Variants in TECPR1 observed in about 807,000 individuals in gnomAD.
TECPR1 encodes the protein tectonin beta-propeller repeat-containing protein 1.
TECPR1 carries 122 observed loss-of-function variants against 162.4 expected under a neutral mutation model. The ratio of observed to expected loss-of-function variants is 0.75; its 90% CI spans 0.65 to 0.87. The LOEUF is 0.87. TECPR1 is among the 40% of genes least tolerant of loss of function. The pLI is 0.00. For missense variants in TECPR1, 1,432 were observed against 1,618.2 expected (o/e 0.88, Z 1.97); for synonymous variants, 642 against 670.6 (o/e 0.96, Z 0.66).
At chr7:98,240,999 G>T (rs1161394996) in intron 7 of TECPR1, 48 bp from the exon 8 acceptor site, 1 of 1,585,780 alleles carries the variant, frequency 6.3e-7, no homozygotes, top group East Asian at 2.3e-5. Context: ...AGCCTGGACA[G>T]CTGGGGAGCG....
rs932343391 is a variant in TECPR1, at chr7:98,243,646, C to T, written c.532-54G>A. On this transcript the variant is annotated intron_variant, in intron 5 of 25. Transcript: ENST00000447648. Reference sequence around the variant, plus strand: ...AGTCAGCGCCCAGTGGGCACCTGGGCATGCACCCACCTCCCGCCCGCCTGC... The same window carrying T: ...AGTCAGCGCCCAGTGGGCACCTGGGTATGCACCCACCTCCCGCCCGCCTGC... 3 of 1,576,112 alleles carry T rather than the reference C, an allele frequency of 1.9e-6. No homozygotes were observed. In the South Asian group the frequency reaches 3.4e-5, roughly 18 times the overall value.
intron 7 of TECPR1, 44 bp from the exon 8 acceptor site, chr7:98,240,995 G>C: frequency 6.3e-7 from 1 of 1,587,390 alleles, no homozygotes; most frequent in Non-Finnish European, 8.6e-7. Context: ...CATCAGCCTG[G>C]ACAGCTGGGG....
At chr7:98,247,238 G>A (rs1467297773) in intron 2 of TECPR1, among the ~76,000 whole-genome samples, 1 of 151,974 alleles carries the variant, frequency 6.6e-6, no homozygotes, top group Non-Finnish European at 1.5e-5. Flanking sequence ...GAACTCCTGG[G>A]CTCAAGTGAT....
intron 21 of TECPR1, 164 bp downstream of exon 21, chr7:98,222,826 C>A: frequency 2.0e-6 from 2 of 976,960 alleles, no homozygotes; most frequent in Non-Finnish European, 3.1e-6. Flanking sequence ...CCCCGCCCCA[C>A]CCGCCTCATT....
Position 98,244,965 on chromosome 7 carries a change from C to T in TECPR1, c.328G>A (p.Ala110Thr), listed in dbSNP as rs755694056. The change falls in exon 4 of 26, where the codon GCA becomes ACA. Residue 110 changes from alanine (A) to threonine (T), a missense_variant. Coordinates refer to ENST00000447648, the MANE Select transcript of TECPR1 (RefSeq NM_015395.3). ...GLQHRPLDRV[A>T]LPSPHWEWES... ...CACTCCCAGTGCGGCGAGGGCAGTG[C>T]CACCCTGTCCAGCGGCCGGTGCTGG... is the stretch of plus-strand genomic sequence containing the variant. The T allele has an allele frequency of 2.5e-6, 4 of 1,612,780 alleles. No homozygotes were observed. Among genetic ancestry groups the T allele is most frequent in the Non-Finnish European group, 3.4e-6 (4 of 1,179,816 alleles).
Position 98,242,987 on chromosome 7 carries a change from C to T in TECPR1, c.657+480G>A, listed in dbSNP as rs1798803649. On this transcript the variant is annotated intron_variant, in intron 6 of 25. Coordinates refer to ENST00000447648, the MANE Select transcript of TECPR1 (RefSeq NM_015395.3). Reference sequence around the variant, plus strand: ...ACACATCCACCCACACCCATCCATCCATCCACCCACCCATCCACCCATCCA... The same window carrying T: ...ACACATCCACCCACACCCATCCATCTATCCACCCACCCATCCACCCATCCA... Among the ~76,000 whole-genome samples the T allele has an allele frequency of 4.2e-5, 3 of 71,118 alleles. 1 individual carries two copies. 46.7% of individuals were successfully genotyped at this position (71,118 alleles called of 152,430 possible).
intron 9 of TECPR1, among the ~76,000 whole-genome samples, chr7:98,237,920 ACAC>A (rs1798642131): frequency 6.6e-6 from 1 of 151,492 alleles, no homozygotes; most frequent in Non-Finnish European, 1.5e-5. Flanking sequence ...CTACAGGTGC[ACAC>A]CACCACACTT....
At chr7:98,226,978 A>T (rs1798293348) in intron 17 of TECPR1, among the ~76,000 whole-genome samples, 1 of 152,008 alleles carries the variant, frequency 6.6e-6, no homozygotes, top group African/African-American at 2.4e-5. Context: ...GAGGAAATCA[A>T]TTGCATTTCT....
chr7:98,233,447 A>G lies in TECPR1; in HGVS notation c.1646T>C (p.Met549Thr). ...CGCCTGGACAGTGAACCATCTGGGC[A>G]TGGCACATGCCTCCACCACGCAGCC... Reference protein sequence around the residue: ...GGGCVVEACAMPRWFTVQAGL... With the variant: ...GGGCVVEACATPRWFTVQAGL... The change falls in exon 11 of 26, where the codon ATG (methionine) becomes ACG (threonine). Residue 549 changes from methionine (M) to threonine (T), a missense_variant. Physicochemically the swap from Met to Thr is moderately conservative, Grantham distance 81. Coordinates refer to ENST00000447648, the MANE Select transcript of TECPR1 (RefSeq NM_015395.3). 6.8e-7 allele frequency: 1 copy of G among 1,467,366 alleles called. No homozygotes were observed. Among genetic ancestry groups the G allele is most frequent in the Non-Finnish European group, 9.0e-7 (1 of 1,109,798 alleles). The allele number at this position is 1,467,366 out of a possible 1,614,324, so 90.9% of individuals were successfully genotyped here.
chr7:98,242,270 C>T (rs1798770308), intron 6 of TECPR1, among the ~76,000 whole-genome samples: 1 of 152,178 alleles, frequency 6.6e-6, no homozygotes. Context: ...AACAGAAAGC[C>T]ATGACTCGAG....
At position 98,217,317 on chromosome 7, in the gene TECPR1, C is replaced by A; in HGVS notation, c.*73G>T. 4 of 1,041,820 alleles carry A rather than the reference C, an allele frequency of 3.8e-6. No homozygotes were observed. The highest frequency in any genetic ancestry group is 5.5e-6 in the Non-Finnish European group (4 of 726,774). The allele number at this position is 1,041,820 out of a possible 1,614,324, so 64.5% of individuals were successfully genotyped here. On this transcript the variant is annotated 3_prime_UTR_variant, in exon 26 of 26. Transcript: ENST00000447648. ...CCACATTGCTCCCACGGTGCACACT[C>A]CAGCACAAGAATGGCTCAGCCTTGA...
chr7:98,238,386 G>A, intron 9 of TECPR1, 123 bp downstream of exon 9: 1 of 794,728 alleles, frequency 1.3e-6, no homozygotes, highest in South Asian at 1.6e-5. Context: ...AGAACTTCTT[G>A]CTCAGTACAA....
At chr7:98,246,208 A>G (rs2116631896) in intron 2 of TECPR1, 43 bp from the exon 3 acceptor site, 2 of 1,287,022 alleles carry the variant, frequency 1.6e-6, no homozygotes, top group East Asian at 2.6e-5. Context: ...CTCCCAGCCC[A>G]GGGGACATCA....
At position 98,224,807 on chromosome 7, in the gene TECPR1, A is replaced by T. The variant is rs1039634999; in HGVS notation, c.2684T>A (p.Phe895Tyr). 3.2e-6 allele frequency: 5 copies of T among 1,581,478 alleles called. No individual in the cohort carries two copies. Among genetic ancestry groups the T allele is most frequent in the Non-Finnish European group, 4.3e-6 (5 of 1,164,710 alleles). ...DQEGWQYASD[F>Y]PASYHGSKTM... ...TGTGCAGGGAGAGGCTTACGCAGGGAAGTCGCTGGCATACTGCCACCCCTC... is the reference window on the plus strand; with the variant it reads ...TGTGCAGGGAGAGGCTTACGCAGGGTAGTCGCTGGCATACTGCCACCCCTC... The change falls in exon 19 of 26, where the codon TTC becomes TAC. Residue 895 changes from phenylalanine to tyrosine, a missense_variant. Phe to Tyr is a conservative substitution (Grantham distance 22). Transcript: ENST00000447648.
chr7:98,223,670 G>T lies in TECPR1; in HGVS notation c.2739C>A (p.Cys913Ter). ...KTMKDFVRRR[C>*]WARKCKLVTS... ...CTGCAGCCCTGCCTCACCTGGCCCAGCACCTCCTCCTCACAAAATCCTTCA... is the reference window on the plus strand; with the variant it reads ...CTGCAGCCCTGCCTCACCTGGCCCATCACCTCCTCCTCACAAAATCCTTCA... Residue 913 changes from cysteine to a stop codon, truncating the protein, a stop_gained, in exon 20 of 26, where the codon TGC (cysteine) becomes TGA (stop). Coordinates refer to ENST00000447648, the MANE Select transcript of TECPR1 (RefSeq NM_015395.3). LOFTEE classifies it high-confidence loss of function. The T allele has an allele frequency of 6.2e-7, 1 of 1,613,736 alleles. No homozygotes were observed. The highest frequency in any genetic ancestry group is 8.5e-7 in the Non-Finnish European group (1 of 1,179,804).
Position 98,241,128 on chromosome 7 carries a change from G to A in TECPR1, c.774C>T (p.Ala258=). The A allele has an allele frequency of 6.2e-7, 1 of 1,612,470 alleles. No homozygotes were observed. Among genetic ancestry groups the A allele is most frequent in the Non-Finnish European group, 8.5e-7 (1 of 1,179,620 alleles). The change falls in exon 7 of 26, where the codon GCC becomes GCT. Residue 258 remains alanine, a synonymous_variant. Coordinates refer to ENST00000447648, the MANE Select transcript of TECPR1 (RefSeq NM_015395.3). This position sits in a 1 kb window ranked among gnomAD's most constrained non-coding sequence, Gnocchi z 5.0. The part of the protein sequence containing the change: ...ISCGPHDLLW[A]TLWEGQALVR... Reference sequence around the variant, plus strand: ...CCAGGGCCTGTCCCTCCCAGAGTGTGGCCCACAGGAGGTCGTGGGGCCCAC... The same window carrying A: ...CCAGGGCCTGTCCCTCCCAGAGTGTAGCCCACAGGAGGTCGTGGGGCCCAC...
rs767172301 is a variant in TECPR1 at position 98,241,100 on chromosome 7, G to A, written c.802C>T (p.Arg268Trp). 10 of 1,609,698 alleles carry A rather than the reference G, an allele frequency of 6.2e-6. No individual in the cohort carries two copies. The highest frequency in any genetic ancestry group is 1.7e-4 in the Middle Eastern group (1 of 6,054). ...GGATTGCTCCTGTTGATTCCTTCCC[G>A]GACCAGGGCCTGTCCCTCCCAGAGT... ...ATLWEGQALV[R>W]EGINRSNPKG... Residue 268 changes from arginine (R) to tryptophan (W), a missense_variant, in exon 7 of 26, where the codon CGG becomes TGG. Arg to Trp is a moderately radical substitution (Grantham distance 101). Coordinates refer to ENST00000447648, the MANE Select transcript of TECPR1 (RefSeq NM_015395.3). The surrounding 1 kb of genome is among the most constrained non-coding windows in gnomAD (Gnocchi z 5.0).
rs1161994294 is a variant in TECPR1, at chr7:98,229,081, C to A, written c.2368G>T (p.Ala790Ser). Residue 790 changes from alanine (A) to serine (S), a missense_variant, in exon 16 of 26, where the codon GCC becomes TCC. Ala to Ser is a moderately conservative substitution (Grantham distance 99). Coordinates refer to ENST00000447648, the MANE Select transcript of TECPR1 (RefSeq NM_015395.3). Reference protein sequence around the residue: ...VVWGIGYDHTAWVYTGGYGGG... With the variant: ...VVWGIGYDHTSWVYTGGYGGG... ...CCATAGCCGCCTGTGTATACCCAGG[C>A]CGTGTGGTCATAGCCGATGCCCCAC... 6.3e-7 allele frequency: 1 copy of A among 1,591,454 alleles called. No homozygotes were observed. The highest frequency in any genetic ancestry group is 8.5e-7 in the Non-Finnish European group (1 of 1,169,766).
At chr7:98,237,560 C>G (rs1324528868) in intron 9 of TECPR1, among the ~76,000 whole-genome samples, 9 of 152,148 alleles carry the variant, frequency 5.9e-5, no homozygotes. Context: ...CCTCCGCCTC[C>G]CAGCTTCAAC....
Sources: gnomAD v4.1 joint callset for allele counts (sites outside exome capture counted in the v4.1 genomes callset) on GRCh38, gnomAD v4.1.1 for gene constraint, Gnocchi (gnomAD v3.1) non-coding constraint, MANE v1.5 for transcripts, NCBI Gene and HGNC (gene_info 2026-07-23, HGNC 2026-07-21) for gene names.